NBAS: variants seen among roughly 807,000 people sequenced by gnomAD.
NBAS encodes the protein NAG/BC035112 fusion.
NBAS carries 219 observed loss-of-function variants against 302.5 expected under a neutral mutation model. The observed-to-expected ratio is 0.72, with a 90% confidence interval of 0.65 to 0.81. The LOEUF (loss-of-function observed/expected upper bound fraction) is 0.81, where lower values mean the gene tolerates loss of function less well. Among genes scored for constraint, NBAS ranks in the 30% least tolerant of loss-of-function variants. The pLI is 0.00. For missense variants in NBAS, 2,932 were observed against 2,841.6 expected, an observed-to-expected ratio of 1.03 and a Z score of -0.72; for synonymous variants, 1,118 against 1,021.6, an observed-to-expected ratio of 1.09 and a Z score of -1.80.
intron 48 of NBAS, 143 bp downstream of exon 48, chr2:15,218,630 A>G: frequency 1.0e-6 from 1 of 998,586 alleles, no homozygotes; most frequent in Non-Finnish European, 1.6e-6. Context: ...CATGTTGGCC[A>G]GGTGCCAGGC....
intron 42 of NBAS, among the ~76,000 whole-genome samples, chr2:15,282,837 G>A (rs918993940): frequency 1.3e-5 from 2 of 152,202 alleles, no homozygotes; most frequent in South Asian, 4.1e-4. Flanking sequence ...AGCCACAATG[G>A]TCTTCCTTTA....
intron 44 of NBAS, among the ~76,000 whole-genome samples, chr2:15,246,425 A>G (rs1442670109): frequency 6.6e-6 from 1 of 152,246 alleles, no homozygotes; most frequent in African/African-American, 2.4e-5. Flanking sequence ...AACACACTGT[A>G]GACTAAAAGT....
In NBAS at chr2:15,351,974, T is replaced by C. The variant is rs1411664497; in HGVS notation, c.4179+18A>G. The C allele has an allele frequency of 2.5e-6, 4 of 1,576,764 alleles. No individual in the cohort carries two copies. The highest frequency in any genetic ancestry group is 3.5e-6 in the Non-Finnish European group (4 of 1,146,478). ...CTCTCAGCCACCTTTCAAACTCCGC[T>C]CCCTCATTTTAACTTACCTCTTGTA... On this transcript the variant is annotated intron_variant, in intron 35 of 51. Coordinates refer to ENST00000281513, the MANE Select transcript of NBAS (RefSeq NM_015909.4).
intron 28 of NBAS, among the ~76,000 whole-genome samples, chr2:15,386,703 T>C (rs540202006): frequency 1.3e-5 from 2 of 152,360 alleles, no homozygotes; most frequent in South Asian, 2.1e-4. Flanking sequence ...CTTTATTTTA[T>C]GCATAAACTA....
chr2:15,116,360 T>C, the NBAS span, among the ~76,000 whole-genome samples: 1 of 152,134 alleles, frequency 6.6e-6, no homozygotes, highest in Non-Finnish European at 1.5e-5. Context: ...GCAGCTGAGC[T>C]CTCTTCCTGG....
chr2:15,350,145 T>C (rs1051430981), intron 35 of NBAS, among the ~76,000 whole-genome samples: 1 of 152,124 alleles, frequency 6.6e-6, no homozygotes, highest in African/African-American at 2.4e-5. Flanking sequence ...TTGCATATAT[T>C]CTACTCTGGG....
intron 31 of NBAS, among the ~76,000 whole-genome samples, chr2:15,369,465 C>T (rs1474881459): frequency 2.0e-5 from 3 of 152,164 alleles, no homozygotes; most frequent in African/African-American, 7.2e-5. Flanking sequence ...ATTTGGAGAG[C>T]AGAAGTCTAA....
the NBAS span, among the ~76,000 whole-genome samples, chr2:15,068,783 C>A: frequency 6.6e-6 from 1 of 152,234 alleles, no homozygotes; most frequent in Non-Finnish European, 1.5e-5. Context: ...TAAACACAAT[C>A]TCTTTATCTA....
At chr2:15,469,680 C>T (rs1223854411) in intron 16 of NBAS, among the ~76,000 whole-genome samples, 2 of 152,048 alleles carry the variant, frequency 1.3e-5, no homozygotes, top group Non-Finnish European at 2.9e-5. Flanking sequence ...AGTTCACATC[C>T]TGTATAGGGA....
chr2:15,499,466 G>C (rs979584021), intron 11 of NBAS, among the ~76,000 whole-genome samples: 9 of 152,194 alleles, frequency 5.9e-5, no homozygotes, highest in Admixed American at 4.6e-4. Context: ...AACATGGATG[G>C]AGCTGGAGGC....
At chr2:15,289,579 G>A (rs1007716187) in intron 41 of NBAS, among the ~76,000 whole-genome samples, 5 of 152,172 alleles carry the variant, frequency 3.3e-5, no homozygotes, top group African/African-American at 1.2e-4. Context: ...ATAAAGGTGG[G>A]AAGGACCCAA....
intron 48 of NBAS, among the ~76,000 whole-genome samples, chr2:15,202,834 G>A (rs536831555): frequency 2.6e-5 from 4 of 152,198 alleles, no homozygotes; most frequent in East Asian, 1.9e-4. Context: ...CACTGCACCC[G>A]GCCATGTGTG....
At chr2:15,386,078 G>GT (rs374522441) in intron 28 of NBAS, among the ~76,000 whole-genome samples, 36 of 152,208 alleles carry the variant, frequency 2.4e-4, no homozygotes, top group Non-Finnish European at 4.6e-4. Context: ...CCACTGATAT[G>GT]TAAGTTCCTA....
the NBAS span, among the ~76,000 whole-genome samples, chr2:14,994,125 C>T: frequency 6.6e-6 from 1 of 152,182 alleles, no homozygotes; most frequent in African/African-American, 2.4e-5. Context: ...GGGAACTTGT[C>T]CTAATTTTTC....
chr2:15,048,733 A>G, the NBAS span, among the ~76,000 whole-genome samples: 1 of 152,202 alleles, frequency 6.6e-6, no homozygotes, highest in South Asian at 2.1e-4. Flanking sequence ...CAACTCCTTC[A>G]GTCCTGATTC....
the NBAS span, among the ~76,000 whole-genome samples, chr2:15,083,855 C>T: frequency 3.3e-5 from 5 of 152,140 alleles, no homozygotes; most frequent in Admixed American, 6.5e-5. Context: ...ATTCTCAGCT[C>T]TTCACTTACC....
In NBAS at chr2:15,474,326, T is replaced by C. The variant is rs1190206259; in HGVS notation, c.1342-2A>G. ...TTTGGGGGCAAGTTTAATCTCACACTAAATTGAAAAAGGAGATTTGAAGTT... is the reference window on the plus strand; with the variant it reads ...TTTGGGGGCAAGTTTAATCTCACACCAAATTGAAAAAGGAGATTTGAAGTT... On this transcript the variant is annotated splice_acceptor_variant, in intron 14 of 51. Coordinates refer to ENST00000281513, the MANE Select transcript of NBAS (RefSeq NM_015909.4). LOFTEE classifies it high-confidence loss of function. 6.2e-7 allele frequency: 1 copy of C among 1,608,680 alleles called. No homozygotes were observed. Among genetic ancestry groups the C allele is most frequent in the African/African-American group, 1.3e-5 (1 of 74,714 alleles).
chr2:14,819,635 T>C, the NBAS span, among the ~76,000 whole-genome samples: 1 of 152,214 alleles, frequency 6.6e-6, no homozygotes, highest in East Asian at 1.9e-4. Flanking sequence ...TTCCAGCTAG[T>C]GTCTGAATAA....
chr2:14,955,287 C>A, the NBAS span, among the ~76,000 whole-genome samples: 1 of 152,238 alleles, frequency 6.6e-6, no homozygotes, highest in Non-Finnish European at 1.5e-5. Context: ...TTGGGCAACT[C>A]CAACCCTGTG....
Sources: gnomAD v4.1 joint callset for allele counts (sites outside exome capture counted in the v4.1 genomes callset) on GRCh38, gnomAD v4.1.1 for gene constraint, MANE v1.5 for transcripts, NCBI Gene and HGNC (gene_info 2026-07-23, HGNC 2026-07-21) for gene names.